Variants in SLC22A15 observed in about 807,000 individuals in gnomAD.
SLC22A15 encodes solute carrier family 22 member 15.
Under a neutral mutation model 62.7 loss-of-function variants are expected in SLC22A15, and 45 were observed. That is an observed-to-expected ratio of 0.72 (90% confidence interval 0.56 to 0.92). The LOEUF is 0.92. SLC22A15 is among the 40% of genes least tolerant of loss of function. The pLI is 0.00. For synonymous variants in SLC22A15, 264 were observed against 267.0 expected, an observed-to-expected ratio of 0.99 and a Z score of 0.11; for missense variants, 622 against 665.6, an observed-to-expected ratio of 0.93 and a Z score of 0.72.
chr1:115,989,054 T>C (rs2101079476), intron 1 of SLC22A15, among the ~76,000 whole-genome samples: 1 of 152,158 alleles, frequency 6.6e-6, no homozygotes, highest in Non-Finnish European at 1.5e-5. Flanking sequence ...AGTTGCAAGT[T>C]TCTGACTCTT....
chr1:116,057,215 AAAC>A (rs1557908449), intron 8 of SLC22A15, among the ~76,000 whole-genome samples: 1 of 151,890 alleles, frequency 6.6e-6, no homozygotes, highest in Non-Finnish European at 1.5e-5. Flanking sequence ...TACAAGAAAA[AAAC>A]AAACAACCCC....
chr1:115,986,676 T>C (rs1654879731), intron 1 of SLC22A15, among the ~76,000 whole-genome samples: 1 of 152,172 alleles, frequency 6.6e-6, no homozygotes, highest in Non-Finnish European at 1.5e-5. Context: ...TTGTTGCAGC[T>C]TATTGGAAAT....
Position 116,067,393 on chromosome 1 carries a change from T to C in SLC22A15, c.*285T>C. 3.0e-6 allele frequency: 1 copy of C among 338,254 alleles called. No individual in the cohort carries two copies. Among genetic ancestry groups the C allele is most frequent in the Admixed American group, 4.3e-5 (1 of 23,354 alleles). 21.0% of individuals were successfully genotyped at this position (338,254 alleles called of 1,614,324 possible). On this transcript the variant is annotated 3_prime_UTR_variant, in exon 12 of 12. Coordinates refer to ENST00000369503, the MANE Select transcript of SLC22A15 (RefSeq NM_018420.3). ...AACAGCCCAAACCCACATTCCAAAG[T>C]GGTAGGCTCATTTGTTTCTAGAGAT...
At chr1:116,054,167 A>C (rs538713561) in intron 8 of SLC22A15, among the ~76,000 whole-genome samples, 1 of 152,210 alleles carries the variant, frequency 6.6e-6, no homozygotes, top group African/African-American at 2.4e-5. Context: ...CCCATCTCAC[A>C]TGCAGAGACA....
At position 116,002,702 on chromosome 1, in the gene SLC22A15, C is replaced by A. The variant is rs572304688; in HGVS notation, c.300+10459C>A. Among the ~76,000 whole-genome samples, 5 of 151,836 alleles carry A rather than the reference C, an allele frequency of 3.3e-5. No individual in the cohort carries two copies. In the South Asian group the frequency reaches 1.0e-3, roughly 32 times the overall value. Reference sequence around the variant, plus strand: ...CAAGGCCCAGGAGCTCTTTACTTAGCAAGTGGTGAGCTGACAGGCATGGGT... The same window carrying A: ...CAAGGCCCAGGAGCTCTTTACTTAGAAAGTGGTGAGCTGACAGGCATGGGT... On this transcript the variant is annotated intron_variant, in intron 2 of 11. Coordinates refer to ENST00000369503, the MANE Select transcript of SLC22A15 (RefSeq NM_018420.3).
chr1:116,013,340 T>C (rs1013673732), intron 2 of SLC22A15, among the ~76,000 whole-genome samples: 5 of 152,158 alleles, frequency 3.3e-5, no homozygotes, highest in Admixed American at 6.5e-5. Flanking sequence ...CCTGTCTAAG[T>C]CAAAAGGACC....
intron 1 of SLC22A15, 73 bp downstream of exon 1, chr1:115,976,787 C>G: frequency 1.6e-6 from 2 of 1,224,520 alleles, no homozygotes; most frequent in Non-Finnish European, 2.3e-6. Flanking sequence ...CGTCCGCTCC[C>G]AGACCGCCGG....
chr1:116,064,466 C>A lies in SLC22A15; in HGVS notation c.1323C>A (p.Phe441Leu), dbSNP rs775398278. ...TTGGGCTTGGAACTTGTTCCATGTTCTCCCGAGTTGGTGGGATTATTGCTC... is the reference window on the plus strand; with the variant it reads ...TTGGGCTTGGAACTTGTTCCATGTTATCCCGAGTTGGTGGGATTATTGCTC... Reference protein sequence around the residue: ...RNVGLGTCSMFSRVGGIIAPF... With the variant: ...RNVGLGTCSMLSRVGGIIAPF... Residue 441 changes from phenylalanine to leucine, a missense_variant, in exon 10 of 12, where the codon TTC (phenylalanine) becomes TTA (leucine). Physicochemically the swap from Phe to Leu is conservative, Grantham distance 22. Coordinates refer to ENST00000369503, the MANE Select transcript of SLC22A15 (RefSeq NM_018420.3). 1.2e-6 allele frequency: 2 copies of A among 1,613,572 alleles called. No homozygotes were observed. Among genetic ancestry groups the A allele is most frequent in the Admixed American group, 3.3e-5 (2 of 59,988 alleles).
intron 8 of SLC22A15, among the ~76,000 whole-genome samples, 198 bp from the exon 9 acceptor site, chr1:116,062,564 A>C (rs1391107275): frequency 6.6e-6 from 1 of 152,212 alleles, no homozygotes; most frequent in African/African-American, 2.4e-5. Context: ...TAAGTTTCCA[A>C]GGGTAGAGCC....
chr1:115,990,582 A>G (rs1655095384), intron 1 of SLC22A15, among the ~76,000 whole-genome samples: 1 of 152,108 alleles, frequency 6.6e-6, no homozygotes, highest in Non-Finnish European at 1.5e-5. Context: ...GGAGCCAGGA[A>G]ACATATAAGT....
chr1:116,054,076 G>T (rs1658133214), intron 8 of SLC22A15, among the ~76,000 whole-genome samples: 1 of 151,854 alleles, frequency 6.6e-6, no homozygotes. Context: ...AATGTAAATG[G>T]ACTAAATGCT....
chr1:116,034,573 C>T (rs1282114002), intron 6 of SLC22A15, among the ~76,000 whole-genome samples: 2 of 152,130 alleles, frequency 1.3e-5, no homozygotes, highest in African/African-American at 2.4e-5. Context: ...TTTGCTGTGA[C>T]CTTTAATTTT....
At chr1:116,052,186 G>A (rs927456109) in intron 8 of SLC22A15, among the ~76,000 whole-genome samples, 2 of 152,170 alleles carry the variant, frequency 1.3e-5, no homozygotes, top group African/African-American at 2.4e-5. Context: ...CTGGAAAATC[G>A]GGTCACTCCC....
chr1:116,026,769 C>A, intron 4 of SLC22A15, 124 bp from the exon 5 acceptor site: 1 of 1,107,498 alleles, frequency 9.0e-7, no homozygotes, highest in South Asian at 1.9e-5. Context: ...TCTGGTGTGC[C>A]TCTTATAGTT....
intron 2 of SLC22A15, among the ~76,000 whole-genome samples, chr1:116,008,611 TTTC>T (rs1656100686): frequency 1.3e-5 from 2 of 152,216 alleles, no homozygotes; most frequent in Admixed American, 6.5e-5. Flanking sequence ...AAAAGTTTCA[TTTC>T]TTCCCCAACA....
chr1:115,996,584 CTTT>C (rs965322161), intron 2 of SLC22A15, among the ~76,000 whole-genome samples: 1 of 136,544 alleles, frequency 7.3e-6, no homozygotes. Flanking sequence ...ATTTCTTTTT[CTTT>C]TTTTTTTTTG....
At chr1:116,019,445 G>T in intron 2 of SLC22A15, 137 bp from the exon 3 acceptor site, 4 of 823,222 alleles carry the variant, frequency 4.9e-6, no homozygotes, top group Non-Finnish European at 7.4e-6. Context: ...GTCTGAGATA[G>T]ACAAATTCTA....
intron 6 of SLC22A15, 147 bp downstream of exon 6, chr1:116,031,728 T>C (rs1557897789): frequency 6.9e-7 from 1 of 1,447,622 alleles, no homozygotes; most frequent in Non-Finnish European, 9.1e-7. Context: ...TCCTGATCCT[T>C]AGCGCCTGGT....
chr1:116,024,766 G>A (rs149105597), intron 4 of SLC22A15, among the ~76,000 whole-genome samples: 145 of 152,220 alleles, frequency 9.5e-4, no homozygotes, highest in Non-Finnish European at 1.8e-3. Context: ...CACAGACAGG[G>A]CCCAGCAGCT....
Sources: gnomAD v4.1 joint callset for allele counts (sites outside exome capture counted in the v4.1 genomes callset) on GRCh38, gnomAD v4.1.1 for gene constraint, MANE v1.5 for transcripts, NCBI Gene and HGNC (gene_info 2026-07-23, HGNC 2026-07-21) for gene names.